The following MAGI3 variants were observed in gnomAD, a reference collection of about 807,000 sequenced individuals.
MAGI3 encodes membrane associated guanylate kinase, WW and PDZ domain containing 3.
Under a neutral mutation model 121.8 loss-of-function variants are expected in MAGI3, and 43 were observed. That is an observed-to-expected ratio of 0.35 (90% CI 0.28 to 0.46). The LOEUF (loss-of-function observed/expected upper bound fraction) is 0.46, where lower values mean the gene tolerates loss of function less well. MAGI3 is among the 20% of genes least tolerant of loss of function. The pLI, the probability that MAGI3 is intolerant of heterozygous loss-of-function variation, is 1.00. For synonymous variants in MAGI3, 553 were observed against 639.3 expected (o/e 0.86, Z 2.04); for missense variants, 1,547 against 1,797.3 (o/e 0.86, Z 2.52).
chr1:113,523,552 A>G (rs1658306935), intron 1 of MAGI3, among the ~76,000 whole-genome samples: 3 of 152,200 alleles, frequency 2.0e-5, no homozygotes, highest in African/African-American at 7.2e-5. Context: ...GTTTTAGCAA[A>G]GAGACTGGCA....
intron 2 of MAGI3, among the ~76,000 whole-genome samples, chr1:113,553,081 A>G (rs1659848469): frequency 6.6e-6 from 1 of 152,226 alleles, no homozygotes; most frequent in Non-Finnish European, 1.5e-5. Flanking sequence ...ACAACGTTGA[A>G]AAAAGAGGGC....
chr1:113,600,917 C>A (rs979151345), intron 6 of MAGI3, among the ~76,000 whole-genome samples: 2 of 152,046 alleles, frequency 1.3e-5, no homozygotes, highest in African/African-American at 2.4e-5. Context: ...ATAGCGCCGC[C>A]TATCTACAAC....
chr1:113,463,179 T>C (rs1037988310), intron 1 of MAGI3, among the ~76,000 whole-genome samples: 1 of 152,024 alleles, frequency 6.6e-6, no homozygotes, highest in African/African-American at 2.4e-5. Context: ...AAATATCCCA[T>C]TGGAGATGTA....
rs1170229536 is a variant in MAGI3 at position 113,685,697 on chromosome 1, A to ATAAC, written c.*1685_*1688dup. 1.3e-5 allele frequency: 2 copies of ATAAC among 152,352 alleles called. No homozygotes were observed. The highest frequency in any genetic ancestry group is 4.8e-5 in the African/African-American group (2 of 41,462). 9.4% of individuals were successfully genotyped at this position (152,352 alleles called of 1,614,324 possible). A position where few individuals can be genotyped will look rare whatever the true frequency, so the allele number is the denominator to read the frequency against. ...GAATCCTATTTTTGTTAACTGTGACATAACTTTGATGTCATATGTTGTCCT... is the reference window on the plus strand; with the variant it reads ...GAATCCTATTTTTGTTAACTGTGACATAACTAACTTTGATGTCATATGTTGTCCT... On this transcript the variant is annotated 3_prime_UTR_variant, in exon 21 of 21. Transcript: ENST00000307546.
chr1:113,436,754 A>G (rs1010560369), intron 1 of MAGI3, among the ~76,000 whole-genome samples: 6 of 151,870 alleles, frequency 4.0e-5, no homozygotes, highest in Admixed American at 3.3e-4. Context: ...ATTAAAGTGA[A>G]GTTACTCTTA....
At chr1:113,663,131 A>G (rs1332618620) in intron 16 of MAGI3, among the ~76,000 whole-genome samples, 1 of 152,028 alleles carries the variant, frequency 6.6e-6, no homozygotes, top group Admixed American at 6.5e-5. Flanking sequence ...AGGCTGAGGC[A>G]GGAGAATCAC....
chr1:113,451,893 C>T lies in MAGI3; in HGVS notation c.316+60544C>T, dbSNP rs77878053. 5.0e-3 allele frequency among the ~76,000 whole-genome samples: 765 copies of T among 152,288 alleles called. 4 individuals carry two copies. The highest frequency in any genetic ancestry group is 0.018 in the African/African-American group (740 of 41,566). ...TTTTTTCTCCTGTCTACCCACCTTC[C>T]ATTGGCAATCACCCAACTGGTTAGG... On this transcript the variant is annotated intron_variant, in intron 1 of 20. Coordinates refer to ENST00000307546, the MANE Select transcript of MAGI3 (RefSeq NM_001142782.2).
intron 1 of MAGI3, among the ~76,000 whole-genome samples, chr1:113,522,838 C>G (rs1198524259): frequency 6.6e-6 from 1 of 152,184 alleles, no homozygotes; most frequent in African/African-American, 2.4e-5. Context: ...TATGATACTT[C>G]AGCACATATC....
intron 2 of MAGI3, among the ~76,000 whole-genome samples, chr1:113,550,505 C>T (rs958338415): frequency 1.3e-5 from 2 of 151,632 alleles, no homozygotes; most frequent in Admixed American, 1.3e-4. Context: ...TATATAATCC[C>T]AGCACTTTGG....
intron 15 of MAGI3, among the ~76,000 whole-genome samples, chr1:113,656,523 C>T (rs1423591458): frequency 2.6e-5 from 4 of 151,586 alleles, no homozygotes; most frequent in Admixed American, 2.0e-4. Flanking sequence ...AAGTGATTCT[C>T]GTGCCTCAGC....
chr1:113,544,373 T>TA (rs1659434040), intron 1 of MAGI3, among the ~76,000 whole-genome samples: 2 of 152,248 alleles, frequency 1.3e-5, no homozygotes, highest in African/African-American at 4.8e-5. Flanking sequence ...CAAGTTGTCT[T>TA]ACAGACATCA....
chr1:113,520,851 C>T (rs2101626079), intron 1 of MAGI3, among the ~76,000 whole-genome samples: 1 of 152,216 alleles, frequency 6.6e-6, no homozygotes, highest in South Asian at 2.1e-4. Context: ...ATCCACCCAC[C>T]ACAGCCTCCC....
chr1:113,628,347 ATT>A (rs1651372617), intron 9 of MAGI3, among the ~76,000 whole-genome samples: 1 of 151,938 alleles, frequency 6.6e-6, no homozygotes, highest in African/African-American at 2.4e-5. Context: ...TTCCTTTTAA[ATT>A]TTTTGTTATT....
intron 1 of MAGI3, among the ~76,000 whole-genome samples, chr1:113,544,343 C>G (rs534313911): frequency 6.6e-6 from 1 of 152,282 alleles, no homozygotes; most frequent in African/African-American, 2.4e-5. Flanking sequence ...TTGTATTGAA[C>G]AGTTTATTGG....
chr1:113,633,322 C>T (rs1466811095), intron 9 of MAGI3, among the ~76,000 whole-genome samples: 1 of 111,116 alleles, frequency 9.0e-6, no homozygotes, highest in Non-Finnish European at 1.7e-5. Flanking sequence ...AGTGCAGTGG[C>T]GGGATCTAGG....
In MAGI3 at chr1:113,673,478, C is replaced by T; in HGVS notation, c.3189+13C>T. 1 of 1,611,454 alleles carries T rather than the reference C, an allele frequency of 6.2e-7. No individual in the cohort carries two copies. On this transcript the variant is annotated intron_variant, in intron 19 of 20. Transcript: ENST00000307546. ...TGGCAGAATTCATGTGAGTTGGTTTCTGTCTGTAACCTTAGGTTCAGGCTC... is the reference window on the plus strand; with the variant it reads ...TGGCAGAATTCATGTGAGTTGGTTTTTGTCTGTAACCTTAGGTTCAGGCTC...
rs116637065 is a variant in MAGI3 at position 113,449,074 on chromosome 1, C to T, written c.316+57725C>T. ...CAGAGGTTGTGGTGAGCCGAGATCA[C>T]GCTATTGCACTCCCCTGGGCAACAA... On this transcript the variant is annotated intron_variant, in intron 1 of 20. Transcript: ENST00000307546. 5.2e-3 allele frequency among the ~76,000 whole-genome samples: 784 copies of T among 150,114 alleles called. 3 individuals are homozygous for T. The highest frequency in any genetic ancestry group is 0.019 in the South Asian group (92 of 4,754).
At position 113,684,078 on chromosome 1, in the gene MAGI3, A is replaced by G. The variant is rs1648399545; in HGVS notation, c.*64A>G. ...TTCTTACAGCAGCATTTTTCCAGAA[A>G]AAGCCTTTTTTTTTTTTTCAGATAT... On this transcript the variant is annotated 3_prime_UTR_variant, in exon 21 of 21. Transcript: ENST00000307546. 2 of 1,442,662 alleles carry G rather than the reference A, an allele frequency of 1.4e-6. No individual in the cohort carries two copies. Among genetic ancestry groups the G allele is most frequent in the Non-Finnish European group, 9.1e-7 (1 of 1,097,494 alleles). 89.4% of individuals were successfully genotyped at this position (1,442,662 alleles called of 1,614,324 possible).
At chr1:113,476,044 G>A (rs1655801731) in intron 1 of MAGI3, among the ~76,000 whole-genome samples, 1 of 152,164 alleles carries the variant, frequency 6.6e-6, no homozygotes, top group African/African-American at 2.4e-5. Context: ...TCTGATGGTA[G>A]TTTGTATTTC....
Sources: gnomAD v4.1 joint callset for allele counts (sites outside exome capture counted in the v4.1 genomes callset) on GRCh38, gnomAD v4.1.1 for gene constraint, MANE v1.5 for transcripts, NCBI Gene and HGNC (gene_info 2026-07-23, HGNC 2026-07-21) for gene names.